EYS: variants seen among roughly 807,000 people sequenced by gnomAD.
The protein encoded by EYS is protein eyes shut homolog.
EYS carries 250 observed loss-of-function variants against 282.1 expected under a neutral mutation model. That is an observed-to-expected ratio of 0.89 (90% CI 0.80 to 0.98). The LOEUF (loss-of-function observed/expected upper bound fraction) is 0.98. Ranked by LOEUF, EYS falls within the 50% of genes least tolerant of loss-of-function variation. The pLI, the probability that EYS is intolerant of heterozygous loss-of-function variation, is 0.00. For synonymous variants in EYS, 1,355 were observed against 1,282.9 expected (o/e 1.06, Z -1.20); for missense variants, 4,016 against 3,709.0 (o/e 1.08, Z -2.15).
At chr6:64,164,446 C>G (rs138245078) in intron 31 of EYS, among the ~76,000 whole-genome samples, 1 of 152,052 alleles carries the variant, frequency 6.6e-6, no homozygotes, top group African/African-American at 2.4e-5. Flanking sequence ...AATTGAGGAA[C>G]TACTAAAGCA....
chr6:65,163,899 T>C lies in EYS; in HGVS notation c.2024-106172A>G, dbSNP rs572315647. On this transcript the variant is annotated intron_variant, in intron 12 of 42. Transcript: ENST00000503581. ...TTGAATAGTTGTGGTAGATACCAGA[T>C]GGCTCCAAAGCTTAAGGTATCAATT... Among the ~76,000 whole-genome samples the C allele has an allele frequency of 1.2e-4, 18 of 151,376 alleles. 1 individual carries two copies. Among genetic ancestry groups the C allele is most frequent in the Admixed American group, 1.1e-3 (16 of 15,138 alleles).
chr6:63,949,397 C>A (rs1466815403), intron 35 of EYS, among the ~76,000 whole-genome samples: 1 of 152,072 alleles, frequency 6.6e-6, no homozygotes, highest in African/African-American at 2.4e-5. Context: ...ACATGCAGTT[C>A]CTCTCTTTGC....
At chr6:64,137,518 T>C (rs753713296) in intron 31 of EYS, among the ~76,000 whole-genome samples, 2 of 152,158 alleles carry the variant, frequency 1.3e-5, no homozygotes, top group Non-Finnish European at 2.9e-5. Flanking sequence ...GACTCTTCCT[T>C]TTACTTGAAC....
chr6:64,023,882 GGCCCCGCCA>G (rs1016622428), intron 33 of EYS, among the ~76,000 whole-genome samples: 9 of 152,194 alleles, frequency 5.9e-5, no homozygotes, highest in South Asian at 2.1e-4. Flanking sequence ...GTGGCCGGCC[GGCCCCGCCA>G]GCCCAGGGCA....
intron 30 of EYS, among the ~76,000 whole-genome samples, chr6:64,231,165 A>C (rs369654941): frequency 6.6e-6 from 1 of 152,152 alleles, no homozygotes; most frequent in African/African-American, 2.4e-5. Flanking sequence ...TTACATCTTC[A>C]TGCTAAGATT....
At chr6:65,686,091 G>T (rs188402596) in intron 1 of EYS, among the ~76,000 whole-genome samples, 25 of 152,130 alleles carry the variant, frequency 1.6e-4, no homozygotes, top group African/African-American at 6.0e-4. Context: ...TCTTCCCAGT[G>T]TCACCCTACA....
intron 36 of EYS, among the ~76,000 whole-genome samples, chr6:63,827,934 G>T (rs1771521267): frequency 6.6e-6 from 1 of 151,020 alleles, no homozygotes; most frequent in African/African-American, 2.4e-5. Flanking sequence ...ACTCCAAAAG[G>T]AACCTTCAAA....
rs372950542 is a variant in EYS, at chr6:64,686,866, TAC to T, written c.3444-60623_3444-60622del. On this transcript the variant is annotated intron_variant, in intron 22 of 42. Coordinates refer to ENST00000503581, the MANE Select transcript of EYS (RefSeq NM_001142800.2). ...GTATATATATATATGTGTATATATA[TAC>T]GTGTATATATATATACACACACATA... Among the ~76,000 whole-genome samples the T allele has an allele frequency of 9.6e-5, 12 of 125,220 alleles. 2 individuals are homozygous for T. Among genetic ancestry groups the T allele is most frequent in the African/African-American group, 3.1e-4 (10 of 32,292 alleles). The allele number at this position is 125,220 out of a possible 152,430, so 82.1% of individuals were successfully genotyped here. A position where few individuals can be genotyped will look rare whatever the true frequency, so the allele number is the denominator to read the frequency against.
chr6:64,690,226 A>C lies in EYS; in HGVS notation c.3444-63981T>G, dbSNP rs148334102. On this transcript the variant is annotated intron_variant, in intron 22 of 42. Transcript: ENST00000503581. ...TATGCAGCCAACAAACACATGAAAAAATGCTCATCATCACTGACCATCAGA... is the reference window on the plus strand; with the variant it reads ...TATGCAGCCAACAAACACATGAAAACATGCTCATCATCACTGACCATCAGA... Among the ~76,000 whole-genome samples the C allele has an allele frequency of 4.4e-3, 673 of 152,214 alleles. 9 individuals carry two copies. Among genetic ancestry groups the C allele is most frequent in the African/African-American group, 0.015 (622 of 41,514 alleles).
intron 26 of EYS, among the ~76,000 whole-genome samples, chr6:64,511,294 TATTTA>T (rs1348260267): frequency 4.8e-5 from 6 of 124,210 alleles, no homozygotes; most frequent in African/African-American, 2.4e-4. Flanking sequence ...TATATGTTTA[TATTTA>T]CATTTATATA....
intron 34 of EYS, among the ~76,000 whole-genome samples, 192 bp downstream of exon 34, chr6:63,998,883 T>G (rs769296901): frequency 6.6e-6 from 1 of 151,970 alleles, no homozygotes; most frequent in South Asian, 2.1e-4. Flanking sequence ...AAAACTTTGA[T>G]AGTGACAGGC....
intron 30 of EYS, among the ~76,000 whole-genome samples, chr6:64,279,230 G>T (rs369270338): frequency 6.6e-6 from 1 of 152,090 alleles, no homozygotes; most frequent in Admixed American, 6.6e-5. Context: ...AACTTGAGAT[G>T]ATTTTATGAA....
intron 19 of EYS, among the ~76,000 whole-genome samples, chr6:64,840,734 CT>C (rs568604554): frequency 3.8e-4 from 58 of 152,140 alleles, no homozygotes; most frequent in African/African-American, 1.4e-3. Flanking sequence ...TAACTGATTG[CT>C]TAAATGATTT....
chr6:64,239,995 G>T (rs557649796), intron 30 of EYS, among the ~76,000 whole-genome samples: 1 of 152,008 alleles, frequency 6.6e-6, no homozygotes, highest in African/African-American at 2.4e-5. Flanking sequence ...TCCCAACACC[G>T]TTTATTAAAT....
Position 64,066,208 on chromosome 6 carries a change from G to A in EYS, c.6725+130C>T, listed in dbSNP as rs151263607. ...CAGGAGAATCGCTTGAACCCGGGAG[G>A]CGGAGGTTGTAGTGAGCTGAGATCA... On this transcript the variant is annotated intron_variant, in intron 33 of 42. Transcript: ENST00000503581. 5,619 of 707,924 alleles carry A rather than the reference G, an allele frequency of 7.9e-3. 45 individuals are homozygous for A. The highest frequency in any genetic ancestry group is 8.0e-3 in the Non-Finnish European group (3,538 of 440,862). The allele number at this position is 707,924 out of a possible 1,614,324, so 43.9% of individuals were successfully genotyped here. A position where few individuals can be genotyped will look rare whatever the true frequency, so the allele number is the denominator to read the frequency against.
intron 26 of EYS, among the ~76,000 whole-genome samples, chr6:64,448,665 AG>A (rs940140292): frequency 6.6e-6 from 1 of 152,182 alleles, no homozygotes; most frequent in African/African-American, 2.4e-5. Flanking sequence ...AAACTTCCAG[AG>A]GAACGATCAG....
intron 33 of EYS, among the ~76,000 whole-genome samples, chr6:64,031,370 A>C (rs1275574500): frequency 1.3e-5 from 2 of 152,172 alleles, no homozygotes; most frequent in African/African-American, 2.4e-5. Flanking sequence ...GACTGCGGAC[A>C]TGCAGCCTGC....
At chr6:64,357,877 C>G (rs1485025916) in intron 29 of EYS, among the ~76,000 whole-genome samples, 1 of 151,532 alleles carries the variant, frequency 6.6e-6, no homozygotes, top group Non-Finnish European at 1.5e-5. Flanking sequence ...CTGATGTAGT[C>G]TAATGCCAAG....
intron 31 of EYS, among the ~76,000 whole-genome samples, chr6:64,145,905 A>G (rs1774504723): frequency 6.6e-6 from 1 of 152,102 alleles, no homozygotes; most frequent in Non-Finnish European, 1.5e-5. Context: ...CAGGGCTCCT[A>G]ATTTACACTG....
Sources: gnomAD v4.1 joint callset for allele counts (sites outside exome capture counted in the v4.1 genomes callset) on GRCh38, gnomAD v4.1.1 for gene constraint, MANE v1.5 for transcripts, NCBI Gene and HGNC (gene_info 2026-07-23, HGNC 2026-07-21) for gene names.